Variants in MTMR8 observed in about 807,000 individuals in gnomAD.
MTMR8 encodes phosphatidylinositol-3,5-bisphosphate 3-phosphatase MTMR8.
Under a neutral mutation model 39.3 loss-of-function variants are expected in MTMR8, and 65 were observed. The observed-to-expected ratio is 1.65, with a 90% CI of 1.35 to 2.03. The LOEUF is 2.03. Ranked by LOEUF, MTMR8 falls within the 30% of genes most tolerant of loss-of-function variation. The probability of loss-of-function intolerance (pLI) is 0.00; values close to 1 mark genes in which losing one functional copy is unlikely to be tolerated. For missense variants in MTMR8, 777 were observed against 538.9 expected, an observed-to-expected ratio of 1.44 and a Z score of -4.37; for synonymous variants, 245 against 185.2, an observed-to-expected ratio of 1.32 and a Z score of -2.62.
chrX:64,381,449 T>C (rs1199292350), intron 1 of MTMR8, among the ~76,000 whole-genome samples: 1 of 95,141 alleles, frequency 1.1e-5, no homozygotes, highest in Non-Finnish European at 1.9e-5. Flanking sequence ...TGGGGTTGTT[T>C]TTTTTTTTTT....
intron 4 of MTMR8, among the ~76,000 whole-genome samples, chrX:64,352,865 T>C (rs186699478): frequency 9.0e-6 from 1 of 111,319 alleles, no homozygotes; most frequent in East Asian, 2.9e-4. Context: ...CTAATAACAG[T>C]TATCCTTCTA....
chrX:64,369,556 T>C (rs1924072837), intron 1 of MTMR8, among the ~76,000 whole-genome samples: 1 of 110,227 alleles, frequency 9.1e-6, no homozygotes, highest in African/African-American at 3.3e-5. Context: ...CAGGTGGGAA[T>C]TGAACAATGA....
chrX:64,285,944 A>T (rs1166605491), intron 12 of MTMR8, among the ~76,000 whole-genome samples: 2 of 111,795 alleles, frequency 1.8e-5, no homozygotes, highest in African/African-American at 6.5e-5. Flanking sequence ...ACACATTCAA[A>T]AGCTAGCAGA....
At chrX:64,310,884 T>A (rs1286521533) in intron 12 of MTMR8, among the ~76,000 whole-genome samples, 3 of 112,348 alleles carry the variant, frequency 2.7e-5, no homozygotes, top group African/African-American at 9.7e-5. Context: ...CCACATTTCC[T>A]TAATCCAGTC....
chrX:64,281,378 G>T (rs953557745), intron 12 of MTMR8, among the ~76,000 whole-genome samples: 2 of 111,219 alleles, frequency 1.8e-5, no homozygotes, highest in African/African-American at 6.5e-5. Flanking sequence ...ACAGAATCTA[G>T]ATCTCAGAAA....
intron 2 of MTMR8, among the ~76,000 whole-genome samples, chrX:64,357,801 C>A (rs760716172): frequency 3.6e-5 from 4 of 111,634 alleles, no homozygotes; most frequent in African/African-American, 1.3e-4. Context: ...TTAATATATT[C>A]AACCTCAAGA....
At chrX:64,286,166 T>C (rs1921166142) in intron 12 of MTMR8, among the ~76,000 whole-genome samples, 1 of 111,853 alleles carries the variant, frequency 8.9e-6, no homozygotes, top group Non-Finnish European at 1.9e-5. Flanking sequence ...CCCACAGAAA[T>C]ATAAACTACC....
At chrX:64,386,386 G>A (rs144097423) in intron 1 of MTMR8, among the ~76,000 whole-genome samples, 193 of 112,042 alleles carry the variant, frequency 1.7e-3, no homozygotes, top group Middle Eastern at 4.6e-3. Context: ...AGCAAGGTGG[G>A]ACAAGGCCAG....
intron 12 of MTMR8, chrX:64,305,517 G>C: frequency 2.7e-6 from 1 of 366,879 alleles, no homozygotes; most frequent in Non-Finnish European, 5.0e-6. Context: ...CCACAAGTAT[G>C]AAAGAGCATC....
At chrX:64,356,464 A>T in intron 2 of MTMR8, 126 bp from the exon 3 acceptor site, 1 of 580,970 alleles carries the variant, frequency 1.7e-6, no homozygotes, top group Admixed American at 4.3e-5. Context: ...ACAGCCTACA[A>T]CCATTCTTTG....
At chrX:64,302,705 A>C (rs1243243037) in intron 12 of MTMR8, among the ~76,000 whole-genome samples, 1 of 112,328 alleles carries the variant, frequency 8.9e-6, no homozygotes, top group Non-Finnish European at 1.9e-5. Context: ...TATAGCCCAC[A>C]TGAGTATATT....
intron 12 of MTMR8, among the ~76,000 whole-genome samples, chrX:64,314,640 G>A (rs1035039401): frequency 9.7e-5 from 11 of 112,925 alleles, no homozygotes; most frequent in African/African-American, 3.5e-4. Flanking sequence ...AACTGCTGCT[G>A]GCAGCAGTGG....
chrX:64,375,872 G>T (rs1264242450), intron 1 of MTMR8, among the ~76,000 whole-genome samples: 2 of 111,921 alleles, frequency 1.8e-5, no homozygotes, highest in African/African-American at 6.5e-5. Context: ...CAGTGGTGGA[G>T]GACAGGCCTG....
chrX:64,331,808 T>C, intron 10 of MTMR8, 51 bp from the exon 11 acceptor site: 2 of 1,047,578 alleles, frequency 1.9e-6, no homozygotes, highest in Non-Finnish European at 1.3e-6. Context: ...CATTAAGGAT[T>C]ACACTGTTGG....
At chrX:64,391,226 CT>C (rs760218298) in intron 1 of MTMR8, among the ~76,000 whole-genome samples, 2 of 111,847 alleles carry the variant, frequency 1.8e-5, no homozygotes, top group African/African-American at 3.2e-5. Flanking sequence ...CTTTCACTGT[CT>C]TTTTTTTCTA....
At chrX:64,385,029 G>T (rs1280268561) in intron 1 of MTMR8, among the ~76,000 whole-genome samples, 2 of 111,977 alleles carry the variant, frequency 1.8e-5, no homozygotes, top group African/African-American at 3.2e-5. Context: ...ACATTTCATT[G>T]CTCGTGCATC....
chrX:64,308,320 ATTTT>A (rs778962275), intron 12 of MTMR8, among the ~76,000 whole-genome samples: 10 of 69,608 alleles, frequency 1.4e-4, no homozygotes, highest in Admixed American at 5.1e-4. Context: ...ACGGCTGGCT[ATTTT>A]TTTTTTTTTT....
At chrX:64,320,355 C>G (rs1602129887) in intron 12 of MTMR8, among the ~76,000 whole-genome samples, 1 of 110,714 alleles carries the variant, frequency 9.0e-6, no homozygotes, top group Non-Finnish European at 1.9e-5. Flanking sequence ...TAGTGGCGGC[C>G]TTGGAGATGG....
rs746260329 is a variant in MTMR8, at chrX:64,364,490, G to C, written c.25-4963C>G. Among the ~76,000 whole-genome samples, 5 of 112,055 alleles carry C rather than the reference G, an allele frequency of 4.5e-5. No individual in the cohort carries two copies. In the East Asian group the frequency reaches 1.4e-3, roughly 32 times the overall value. On this transcript the variant is annotated intron_variant, in intron 1 of 13. Coordinates refer to ENST00000374852, the MANE Select transcript of MTMR8 (RefSeq NM_017677.4). ...AAACAGGGTCTGGAGTGGACCGCCA[G>C]CAAACTCCAACAGACCTGCAGCTGA...
Sources: gnomAD v4.1 joint callset for allele counts (sites outside exome capture counted in the v4.1 genomes callset) on GRCh38, gnomAD v4.1.1 for gene constraint, MANE v1.5 for transcripts, NCBI Gene and HGNC (gene_info 2026-07-23, HGNC 2026-07-21) for gene names.